TRRAP: variants seen among roughly 807,000 people sequenced by gnomAD.
TRRAP encodes transformation/transcription domain-associated protein.
In TRRAP, 41 loss-of-function variants were observed where a neutral mutation model predicts 438.8. The ratio of observed to expected loss-of-function variants is 0.09; its 90% confidence interval spans 0.07 to 0.12. TRRAP has a LOEUF of 0.12. Among genes scored for constraint, TRRAP ranks in the 10% least tolerant of loss-of-function variants. The pLI, the probability that TRRAP is intolerant of heterozygous loss-of-function variation, is 1.00. For synonymous variants in TRRAP, 1,994 were observed against 1,962.9 expected (o/e 1.02, Z -0.42); for missense variants, 3,122 against 5,055.1 (o/e 0.62, Z 11.60).
chr7:98,915,857 G>C lies in TRRAP; in HGVS notation c.2334G>C (p.Glu778Asp). The C allele has an allele frequency of 6.2e-7, 1 of 1,614,188 alleles. No homozygotes were observed. Among genetic ancestry groups the C allele is most frequent in the Non-Finnish European group, 8.5e-7 (1 of 1,180,032 alleles). Reference sequence around the variant, plus strand: ...GTAGCCACGATCTCTTGTATCAGGAGTTCTTGCCTCTCCTTCCAAACCTCC... The same window carrying C: ...GTAGCCACGATCTCTTGTATCAGGACTTCTTGCCTCTCCTTCCAAACCTCC... ...GGGSHDLLYQ[E>D]FLPLLPNLLQ... The change falls in exon 19 of 73, where the codon GAG becomes GAC. Residue 778 changes from glutamate to aspartate, a missense_variant. Coordinates refer to ENST00000456197, the MANE Select transcript of TRRAP (RefSeq NM_001375524.1).
chr7:98,935,588 T>A lies in TRRAP; in HGVS notation c.4024T>A (p.Leu1342Met). The A allele has an allele frequency of 6.3e-7, 1 of 1,599,298 alleles. No individual in the cohort carries two copies. The highest frequency in any genetic ancestry group is 8.6e-7 in the Non-Finnish European group (1 of 1,167,536). ...HKVFYTELLN[L>M]CEAEDSALTK... ...GTTTTATCTTTTGCAGCTGTTGAAT[T>A]TGTGTGAGGCTGAAGATTCAGCTTT... Residue 1342 changes from leucine to methionine, a missense_variant, in exon 28 of 73, where the codon TTG (leucine) becomes ATG (methionine). Around this residue, in one of 24 missense-constraint regions of TRRAP, gnomAD observed 84 missense variants for 119.8 expected, o/e 0.70. Transcript: ENST00000456197.
intron 16 of TRRAP, among the ~76,000 whole-genome samples, chr7:98,910,872 G>A (rs557956403): frequency 1.3e-5 from 2 of 151,914 alleles, no homozygotes; most frequent in South Asian, 2.1e-4. Context: ...TTTTTTCATG[G>A]TCTGAACACC....
chr7:98,946,041 A>G, intron 33 of TRRAP, 91 bp downstream of exon 33: 2 of 1,288,550 alleles, frequency 1.6e-6, no homozygotes, highest in South Asian at 1.6e-5. Context: ...TGTACTGGAC[A>G]GAGTGCGTTG....
Position 98,978,245 on chromosome 7 carries a change from C to T in TRRAP, c.8420C>T (p.Ala2807Val). The T allele has an allele frequency of 6.2e-7, 1 of 1,613,936 alleles. No individual in the cohort carries two copies. Among genetic ancestry groups the T allele is most frequent in the Non-Finnish European group, 8.5e-7 (1 of 1,179,958 alleles). Reference protein sequence around the residue: ...QESYEKAMDKAKKEHERSNAS... With the variant: ...QESYEKAMDKVKKEHERSNAS... ...TCCTATGAAAAGGCAATGGATAAAG[C>T]CAAAAAAGAACATGAGAGGAGTAAC... The change falls in exon 57 of 73, where the codon GCC becomes GTC. Residue 2807 changes from alanine (A) to valine (V), a missense_variant. By Grantham distance (64) the Ala-to-Val change is moderately conservative. Around this residue, in one of 24 missense-constraint regions of TRRAP, gnomAD observed 992 missense variants for 1,281.2 expected, o/e 0.77. Coordinates refer to ENST00000456197, the MANE Select transcript of TRRAP (RefSeq NM_001375524.1).
chr7:99,003,499 G>T (rs1490393727), intron 67 of TRRAP, among the ~76,000 whole-genome samples: 1 of 152,102 alleles, frequency 6.6e-6, no homozygotes, highest in East Asian at 1.9e-4. Context: ...TTCAGGCCCT[G>T]GTGACACGGG....
chr7:98,955,059 T>G (rs1237173826), intron 40 of TRRAP, 39 bp from the exon 41 acceptor site: 45 of 1,577,704 alleles, frequency 2.9e-5, no homozygotes, highest in Non-Finnish European at 3.6e-5. Context: ...CTTAAAGCCT[T>G]CCTTCTCATC....
At chr7:98,902,646 C>G (rs1554406830) in intron 11 of TRRAP, among the ~76,000 whole-genome samples, 1 of 152,050 alleles carries the variant, frequency 6.6e-6, no homozygotes, top group Non-Finnish European at 1.5e-5. Flanking sequence ...TTTTAGTCAG[C>G]TTGCGTTATC....
intron 35 of TRRAP, 32 bp from the exon 36 acceptor site, chr7:98,949,385 T>TC: frequency 6.7e-7 from 1 of 1,488,076 alleles, no homozygotes; most frequent in Non-Finnish European, 8.9e-7. Context: ...TTGATTAGCT[T>TC]AAAACGGCTT....
chr7:98,970,791 G>T (rs1206228237), intron 52 of TRRAP, among the ~76,000 whole-genome samples: 2 of 152,154 alleles, frequency 1.3e-5, no homozygotes, highest in African/African-American at 2.4e-5. Flanking sequence ...CCACACAGGG[G>T]CTGGGGCTCT....
intron 12 of TRRAP, 141 bp from the exon 13 acceptor site, chr7:98,906,036 T>G (rs1442065146): frequency 1.6e-6 from 1 of 610,364 alleles, no homozygotes; most frequent in African/African-American, 1.9e-5. Flanking sequence ...ACTTGTGCCT[T>G]TCTGGTCTCC....
chr7:98,970,166 G>T lies in TRRAP; in HGVS notation c.7567G>T (p.Ala2523Ser). ...CCCCATTGGCACCAGCTGCCAAGGA[G>T]CCATGCTCCCGTCCATCACCAACGT... The part of the protein sequence containing the change: ...STPIGTSCQG[A>S]MLPSITNVIN... The change falls in exon 52 of 73, where the codon GCC becomes TCC. Residue 2523 changes from alanine (A) to serine (S), a missense_variant. This residue lies in a region of TRRAP where 992 missense variants were observed against 1,281.2 expected (regional missense o/e 0.77). Transcript: ENST00000456197. 1 of 1,613,960 alleles carries T rather than the reference G, an allele frequency of 6.2e-7. No homozygotes were observed. Among genetic ancestry groups the T allele is most frequent in the Non-Finnish European group, 8.5e-7 (1 of 1,180,030 alleles).
rs368249001 is a variant in TRRAP, at chr7:98,910,184, T to C, written c.1479T>C (p.Ala493=). 23 of 1,609,654 alleles carry C rather than the reference T, an allele frequency of 1.4e-5. No homozygotes were observed. The African/African-American group carries it at 2.9e-4, about 21-fold the overall frequency. The change falls in exon 15 of 73, where the codon GCT becomes GCC. Residue 493 remains alanine, a synonymous_variant. Coordinates refer to ENST00000456197, the MANE Select transcript of TRRAP (RefSeq NM_001375524.1). ...CTGGGGTGCCCACTGCCCCTGCAGC[T>C]CCTGGCCCTGCTCCCTCCCCAGCCC... ...ALPGVPTAPA[A]PGPAPSPAPV... is the part of the protein sequence containing the mutation.
chr7:98,982,394 T>C (rs915769546), intron 59 of TRRAP, among the ~76,000 whole-genome samples: 13 of 152,342 alleles, frequency 8.5e-5, no homozygotes, highest in African/African-American at 3.1e-4. Context: ...CAAAAATTAC[T>C]GTCAACCAAG....
chr7:98,937,345 A>C, intron 29 of TRRAP, 68 bp downstream of exon 29: 1 of 1,551,006 alleles, frequency 6.4e-7, no homozygotes, highest in Non-Finnish European at 8.7e-7. Context: ...CTCTGCATTA[A>C]GAGTTCTTCC....
rs1011523329 is a variant in TRRAP at position 99,013,122 on chromosome 7, C to T, written c.*767C>T. 5 of 152,196 alleles carry T rather than the reference C, an allele frequency of 3.3e-5. No individual in the cohort carries two copies. The highest frequency in any genetic ancestry group is 6.5e-5 in the Admixed American group (1 of 15,280). 9.4% of individuals were successfully genotyped at this position (152,196 alleles called of 1,614,324 possible). The stretch of plus-strand genomic sequence containing the variant: ...TTTAAAAAGACAAAACAGAAATGTA[C>T]GTTCCTTCGCTAGCTTTAGTCTTTC... On this transcript the variant is annotated 3_prime_UTR_variant, in exon 73 of 73. Transcript: ENST00000456197.
chr7:98,992,551 G>T lies in TRRAP; in HGVS notation c.9847+324G>T, dbSNP rs1584400939. On this transcript the variant is annotated intron_variant, in intron 65 of 72. Transcript: ENST00000456197. ...AAGTGCATCCCAATACACAGCAGATGCCAGCTGCCGTGTGTGTGTGTGTGT... is the reference window on the plus strand; with the variant it reads ...AAGTGCATCCCAATACACAGCAGATTCCAGCTGCCGTGTGTGTGTGTGTGT... Among the ~76,000 whole-genome samples, 6 of 146,466 alleles carry T rather than the reference G, an allele frequency of 4.1e-5. 1 individual carries two copies. The highest frequency in any genetic ancestry group is 4.1e-4 in the Admixed American group (6 of 14,768).
At chr7:98,923,005 C>G (rs570770323) in intron 21 of TRRAP, among the ~76,000 whole-genome samples, 7 of 152,168 alleles carry the variant, frequency 4.6e-5, no homozygotes, top group Admixed American at 3.9e-4. Context: ...CAGCCTGTCC[C>G]CCGCAACTTC....
At position 98,921,743 on chromosome 7, in the gene TRRAP, T is replaced by C. The variant is rs1554410586; in HGVS notation, c.2623-10T>C. On this transcript the variant is annotated splice_polypyrimidine_tract_variant and intron_variant, in intron 20 of 72. Transcript: ENST00000456197. ...TAAGAGGACCTTAATGAAAGCACGC[T>C]GATTTTCAGGCTCTGTGGCGCACCT... is the stretch of plus-strand genomic sequence containing the variant. 1.4e-5 allele frequency: 22 copies of C among 1,613,894 alleles called. No individual in the cohort carries two copies. Among genetic ancestry groups the C allele is most frequent in the Non-Finnish European group, 1.8e-5 (21 of 1,179,964 alleles).
At chr7:98,995,027 C>T (rs1173002809) in intron 67 of TRRAP, among the ~76,000 whole-genome samples, 179 bp downstream of exon 67, 1 of 152,196 alleles carries the variant, frequency 6.6e-6, no homozygotes, top group Non-Finnish European at 1.5e-5. Flanking sequence ...GTTTTTCTCC[C>T]AGGGAGGGGT....
Sources: gnomAD v4.1 joint callset for allele counts (sites outside exome capture counted in the v4.1 genomes callset) on GRCh38, gnomAD v4.1.1 for gene constraint, gnomAD v4.1.1 regional missense constraint, MANE v1.5 for transcripts, NCBI Gene and HGNC (gene_info 2026-07-23, HGNC 2026-07-21) for gene names.